PACSIN2: variants seen among roughly 807,000 people sequenced by gnomAD.
The protein encoded by PACSIN2 is protein kinase C and casein kinase substrate in neurons protein 2.
In PACSIN2, 25 loss-of-function variants were observed where a neutral mutation model predicts 63.8. That is an observed-to-expected ratio of 0.39 (90% CI 0.29 to 0.55). PACSIN2 has a LOEUF of 0.55. Ranked by LOEUF, PACSIN2 falls within the 20% of genes least tolerant of loss-of-function variation. The pLI, the probability that PACSIN2 is intolerant of heterozygous loss-of-function variation, is 0.62. For missense variants in PACSIN2, 518 were observed against 646.9 expected, an observed-to-expected ratio of 0.80 and a Z score of 2.16; for synonymous variants, 255 against 256.2, an observed-to-expected ratio of 1.00 and a Z score of 0.05.
chr22:42,949,164 T>C (rs537399364), intron 1 of PACSIN2, among the ~76,000 whole-genome samples: 1 of 152,298 alleles, frequency 6.6e-6, no homozygotes, highest in Admixed American at 6.5e-5. Flanking sequence ...TAGGTGCACA[T>C]TTTAACTTCT....
At chr22:42,924,981 T>C (rs1346208233) in intron 1 of PACSIN2, among the ~76,000 whole-genome samples, 3 of 151,392 alleles carry the variant, frequency 2.0e-5, no homozygotes, top group Admixed American at 6.6e-5. Flanking sequence ...ATGATCTCGA[T>C]CTCCTGACCT....
At chr22:42,939,439 A>G (rs1483041027) in intron 1 of PACSIN2, among the ~76,000 whole-genome samples, 1 of 152,222 alleles carries the variant, frequency 6.6e-6, no homozygotes, top group Non-Finnish European at 1.5e-5. Context: ...AAGATGTACA[A>G]GAGTCTAAAG....
intron 9 of PACSIN2, 128 bp downstream of exon 9, chr22:42,876,760 G>T: frequency 8.1e-7 from 1 of 1,233,992 alleles, no homozygotes; most frequent in South Asian, 1.3e-5. Context: ...GGTGCGGCAC[G>T]CCAGGTGCCC....
chr22:42,895,850 G>A (rs1274770649), intron 2 of PACSIN2, among the ~76,000 whole-genome samples: 1 of 152,152 alleles, frequency 6.6e-6, no homozygotes, highest in Non-Finnish European at 1.5e-5. Flanking sequence ...CAGCAACATC[G>A]GCCCTGCTGT....
At chr22:42,962,889 A>G (rs990821933) in intron 1 of PACSIN2, among the ~76,000 whole-genome samples, 1 of 151,616 alleles carries the variant, frequency 6.6e-6, no homozygotes, top group Non-Finnish European at 1.5e-5. Flanking sequence ...CTCCCTGCCC[A>G]TGTCAGCCAC....
intron 1 of PACSIN2, among the ~76,000 whole-genome samples, chr22:43,008,996 C>A (rs1308911998): frequency 2.7e-5 from 3 of 111,222 alleles, no homozygotes; most frequent in Non-Finnish European, 5.4e-5. Flanking sequence ...AAATAAGTAG[C>A]CTTTTCACAT....
intron 1 of PACSIN2, among the ~76,000 whole-genome samples, chr22:42,953,878 G>A (rs75056525): frequency 0.019 from 2,925 of 152,312 alleles, 45 homozygotes; most frequent in Non-Finnish European, 0.028. Flanking sequence ...AAAAAGAGAC[G>A]AAATTCACCT....
Position 42,870,903 on chromosome 22 carries a change from T to G in PACSIN2, c.*454A>C. ...TAATTTAAGTAGAAATGAACAGGTG[T>G]ATAAAAAAGTATAACTGTACACAGC... On this transcript the variant is annotated 3_prime_UTR_variant, in exon 11 of 11. Transcript: ENST00000263246. The G allele has an allele frequency of 5.8e-6, 1 of 172,134 alleles. No individual in the cohort carries two copies. Among genetic ancestry groups the G allele is most frequent in the Non-Finnish European group, 1.3e-5 (1 of 78,726 alleles). The allele number at this position is 172,134 out of a possible 1,614,324, so 10.7% of individuals were successfully genotyped here.
intron 1 of PACSIN2, among the ~76,000 whole-genome samples, chr22:42,997,068 G>A (rs1227073230): frequency 6.6e-6 from 1 of 152,182 alleles, no homozygotes; most frequent in Non-Finnish European, 1.5e-5. Context: ...GCAGAGCCCT[G>A]GCAGGAGGGG....
At position 42,988,332 on chromosome 22, in the gene PACSIN2, T is replaced by C. The variant is rs757449034; in HGVS notation, c.-78+26689A>G. 6.2e-4 allele frequency among the ~76,000 whole-genome samples: 94 copies of C among 151,936 alleles called. 2 individuals carry two copies. Among genetic ancestry groups the C allele is most frequent in the Non-Finnish European group, 5.3e-4 (36 of 68,000 alleles). On this transcript the variant is annotated intron_variant, in intron 1 of 10. Transcript: ENST00000263246. ...CACAGACAGCTGTGGGATGTGTGAGTGAGGGGTGGGGGGCACGTCATGGCC... is the reference window on the plus strand; with the variant it reads ...CACAGACAGCTGTGGGATGTGTGAGCGAGGGGTGGGGGGCACGTCATGGCC...
intron 1 of PACSIN2, among the ~76,000 whole-genome samples, chr22:42,984,486 CT>C (rs1015177016): frequency 3.3e-5 from 5 of 152,276 alleles, no homozygotes; most frequent in African/African-American, 1.2e-4. Context: ...CATCTTGCAT[CT>C]CCCCAGACTG....
At chr22:43,001,225 C>G (rs1923746503) in intron 1 of PACSIN2, among the ~76,000 whole-genome samples, 2 of 152,224 alleles carry the variant, frequency 1.3e-5, no homozygotes, top group African/African-American at 4.8e-5. Flanking sequence ...CAAAGGGGAG[C>G]TAAGAGCATA....
intron 9 of PACSIN2, 61 bp from the exon 10 acceptor site, chr22:42,876,394 CG>C: frequency 6.8e-7 from 1 of 1,467,738 alleles, no homozygotes; most frequent in East Asian, 2.3e-5. Context: ...GTGAGGCCCC[CG>C]CCCCGCAAGG....
chr22:43,007,211 C>G (rs959356974), intron 1 of PACSIN2, among the ~76,000 whole-genome samples: 1 of 151,512 alleles, frequency 6.6e-6, no homozygotes, highest in African/African-American at 2.4e-5. Context: ...TCACACACAC[C>G]TCTTGTTCTT....
chr22:42,983,500 A>AAAAAC (rs66508537), intron 1 of PACSIN2, among the ~76,000 whole-genome samples: 6 of 72,882 alleles, frequency 8.2e-5, no homozygotes, highest in African/African-American at 1.9e-4. Context: ...AAAAAAAAAA[A>AAAAAC]AAAAAAAACA....
At chr22:42,986,070 G>T (rs1922590790) in intron 1 of PACSIN2, among the ~76,000 whole-genome samples, 1 of 152,082 alleles carries the variant, frequency 6.6e-6, no homozygotes. Context: ...TTGCTCTGTA[G>T]TTTTAGCCAA....
At chr22:42,993,357 T>C (rs1219701237) in intron 1 of PACSIN2, among the ~76,000 whole-genome samples, 5 of 152,212 alleles carry the variant, frequency 3.3e-5, no homozygotes, top group Admixed American at 6.5e-5. Flanking sequence ...CTTCTCACTA[T>C]CTTCTTTGCA....
chr22:42,976,969 C>A (rs1159828262), intron 1 of PACSIN2, among the ~76,000 whole-genome samples: 1 of 152,148 alleles, frequency 6.6e-6, no homozygotes, highest in Non-Finnish European at 1.5e-5. Context: ...CCTTGCATTG[C>A]TAGAGTAAAC....
At chr22:42,914,816 C>G (rs1421926704) in intron 1 of PACSIN2, among the ~76,000 whole-genome samples, 1 of 152,198 alleles carries the variant, frequency 6.6e-6, no homozygotes, top group African/African-American at 2.4e-5. Flanking sequence ...TGTCTGGATG[C>G]AGCTGTGGTC....
Sources: allele counts gnomAD v4.1 joint callset (sites outside exome capture counted in the v4.1 genomes callset), GRCh38; gene constraint gnomAD v4.1.1; transcripts MANE v1.5; gene names NCBI Gene and HGNC (gene_info 2026-07-23, HGNC 2026-07-21).